KAZN: variants seen among roughly 807,000 people sequenced by gnomAD.
KAZN encodes kazrin, periplakin interacting protein.
A neutral mutation model predicts 87.4 loss-of-function variants in KAZN; 40 were observed. The ratio of observed to expected loss-of-function variants is 0.46; its 90% confidence interval spans 0.36 to 0.60. The LOEUF (loss-of-function observed/expected upper bound fraction) is 0.60, where lower values mean the gene tolerates loss of function less well. Ranked by LOEUF, KAZN falls within the 20% of genes least tolerant of loss-of-function variation. The pLI is 0.00. For synonymous variants in KAZN, 466 were observed against 458.3 expected (o/e 1.02, Z -0.22); for missense variants, 898 against 1,073.9 (o/e 0.84, Z 2.29).
At chr1:14,722,076 C>T (rs1334520498) in intron 1 of KAZN, among the ~76,000 whole-genome samples, 1 of 151,866 alleles carries the variant, frequency 6.6e-6, no homozygotes, top group East Asian at 1.9e-4. Context: ...TGCTTGAACC[C>T]AGGAGGCGGA....
At chr1:14,118,657 G>A (rs141451687) in intron 1 of KAZN, among the ~76,000 whole-genome samples, 329 of 152,270 alleles carry the variant, frequency 2.2e-3, no homozygotes, top group African/African-American at 7.3e-3. Flanking sequence ...GATGTTCACC[G>A]AAGAGATCTC....
intron 1 of KAZN, among the ~76,000 whole-genome samples, chr1:14,955,250 G>A (rs59896313): frequency 0.091 from 13,871 of 152,348 alleles, 2,035 homozygotes; most frequent in African/African-American, 0.31. Flanking sequence ...AAGGTGAGTT[G>A]TGGACACAGT....
chr1:15,094,279 C>T lies in KAZN; in HGVS notation c.1322C>T (p.Thr441Ile), dbSNP rs1204653557. 1 of 1,613,966 alleles carries T rather than the reference C, an allele frequency of 6.2e-7. No individual in the cohort carries two copies. Among genetic ancestry groups the T allele is most frequent in the South Asian group, 1.1e-5 (1 of 91,080 alleles). The stretch of plus-strand genomic sequence containing the variant: ...CAGCAGGTGGAGCTGGTGAGGACCA[C>T]CCCTATGTCCCACTGGAAGGCGGGC... ...RLQQVELVRT[T>I]PMSHWKAGTV... Residue 441 changes from threonine to isoleucine, a missense_variant, in exon 9 of 15, where the codon ACC becomes ATC. By Grantham distance (89) the Thr-to-Ile change is moderately conservative (BLOSUM62 -1). Around this residue, in one of 3 missense-constraint regions of KAZN, gnomAD observed 521 missense variants for 689.4 expected, o/e 0.76. Coordinates refer to ENST00000376030, the MANE Select transcript of KAZN (RefSeq NM_201628.3). The surrounding 1 kb of genome is among the most constrained non-coding windows in gnomAD (Gnocchi z 4.5).
intron 2 of KAZN, among the ~76,000 whole-genome samples, chr1:14,217,497 C>A (rs1431416040): frequency 2.0e-5 from 3 of 151,098 alleles, no homozygotes; most frequent in African/African-American, 7.3e-5. Context: ...GAAGTTATAT[C>A]ACTCAGAAAG....
intron 1 of KAZN, among the ~76,000 whole-genome samples, chr1:14,138,318 C>G (rs1645154743): frequency 6.6e-6 from 1 of 152,140 alleles, no homozygotes. Flanking sequence ...AAGCTGGTAG[C>G]CACAGGGCTT....
intron 2 of KAZN, among the ~76,000 whole-genome samples, chr1:14,388,506 A>T (rs56110616): frequency 0.075 from 11,357 of 152,246 alleles, 510 homozygotes; most frequent in East Asian, 0.15. Context: ...ATAAAAATAG[A>T]CACATAGATC....
intron 1 of KAZN, among the ~76,000 whole-genome samples, chr1:14,886,093 C>T (rs1488719874): frequency 2.6e-5 from 4 of 151,944 alleles, no homozygotes; most frequent in African/African-American, 7.3e-5. Context: ...TTATGGGGTA[C>T]AAAATTGCTC....
At chr1:15,104,334 A>C (rs1170498273) in intron 13 of KAZN, 145 bp downstream of exon 13, 2 of 865,488 alleles carry the variant, frequency 2.3e-6, no homozygotes, top group East Asian at 5.5e-5. Context: ...CACCTTTTAC[A>C]GATCAGGAAA....
intron 2 of KAZN, among the ~76,000 whole-genome samples, chr1:14,538,449 A>G (rs922020142): frequency 1.3e-5 from 2 of 152,224 alleles, no homozygotes; most frequent in Non-Finnish European, 2.9e-5. Context: ...TGGAGGCTGG[A>G]AAGTCCAAGA....
intron 2 of KAZN, among the ~76,000 whole-genome samples, chr1:14,573,414 C>T (rs1674988965): frequency 6.6e-6 from 1 of 152,050 alleles, no homozygotes; most frequent in African/African-American, 2.4e-5. Flanking sequence ...TTTGGCAGGC[C>T]GAGGCGGGCA....
intron 1 of KAZN, among the ~76,000 whole-genome samples, chr1:14,017,116 A>G (rs1194342418): frequency 1.3e-5 from 2 of 152,178 alleles, no homozygotes; most frequent in East Asian, 3.9e-4. Context: ...TGTTCTCAGT[A>G]TTAGGTAGCA....
rs1374298171 is a variant in KAZN, at chr1:14,781,258, C to T, written c.227-179426C>T. ...AATGGCGTGAACCCAGGAGGCGGAG[C>T]TTGCAGTGAGCCGAGATCGCGCCAC... is the stretch of plus-strand genomic sequence containing the variant. On this transcript the variant is annotated intron_variant, in intron 1 of 14. Transcript: ENST00000376030. Among the ~76,000 whole-genome samples, 3 of 152,154 alleles carry T rather than the reference C, an allele frequency of 2.0e-5. No homozygotes were observed. The South Asian group carries it at 6.2e-4, about 32-fold the overall frequency.
chr1:14,595,702 A>G (rs905042583), upstream of KAZN, among the ~76,000 whole-genome samples: 1 of 151,630 alleles, frequency 6.6e-6, no homozygotes, highest in African/African-American at 2.4e-5. Flanking sequence ...AAAAAAAGAA[A>G]AAGAAAAAGA....
intron 1 of KAZN, among the ~76,000 whole-genome samples, chr1:14,919,735 G>A (rs1160684892): frequency 6.6e-6 from 1 of 152,198 alleles, no homozygotes; most frequent in East Asian, 1.9e-4. Flanking sequence ...TGGATCGATC[G>A]CATATCTGAT....
intron 1 of KAZN, among the ~76,000 whole-genome samples, chr1:14,092,906 C>G (rs1644039935): frequency 6.6e-6 from 1 of 152,178 alleles, no homozygotes; most frequent in Non-Finnish European, 1.5e-5. Flanking sequence ...TATTTAGGAG[C>G]TATCTCTCTG....
intron 2 of KAZN, among the ~76,000 whole-genome samples, chr1:14,415,631 C>T (rs1439637597): frequency 4.6e-5 from 7 of 152,100 alleles, no homozygotes; most frequent in Non-Finnish European, 1.0e-4. Flanking sequence ...ATGTGAATAC[C>T]CCAGCTCCCT....
At chr1:14,105,097 C>T (rs1246275254) in intron 1 of KAZN, among the ~76,000 whole-genome samples, 2 of 152,172 alleles carry the variant, frequency 1.3e-5, no homozygotes, top group East Asian at 3.8e-4. Flanking sequence ...TTAGCATTGA[C>T]TGTATGCCAG....
intron 2 of KAZN, among the ~76,000 whole-genome samples, chr1:14,306,833 C>T (rs530057361): frequency 7.2e-5 from 11 of 152,258 alleles, no homozygotes; most frequent in African/African-American, 2.6e-4. Flanking sequence ...CCTACAGAGA[C>T]GCCTTCACAA....
chr1:14,192,390 T>C (rs1646438899), intron 2 of KAZN, among the ~76,000 whole-genome samples: 1 of 152,212 alleles, frequency 6.6e-6, no homozygotes, highest in African/African-American at 2.4e-5. Flanking sequence ...CAGAGGTGTC[T>C]GGTCACTTGA....
Sources: allele counts gnomAD v4.1 joint callset (sites outside exome capture counted in the v4.1 genomes callset), GRCh38; gene constraint gnomAD v4.1.1; regional missense constraint gnomAD v4.1.1; non-coding constraint Gnocchi (gnomAD v3.1); transcripts MANE v1.5; gene names NCBI Gene and HGNC (gene_info 2026-07-23, HGNC 2026-07-21).